Variants in FOLH1 observed in about 807,000 individuals in gnomAD.
The protein encoded by FOLH1 is folate hydrolase 1, also known as glutamate carboxypeptidase 2.
Under a neutral mutation model 93.9 loss-of-function variants are expected in FOLH1, and 54 were observed. The ratio of observed to expected loss-of-function variants is 0.57; its 90% confidence interval spans 0.46 to 0.72. The LOEUF is 0.72. Ranked by LOEUF, FOLH1 falls within the 30% of genes least tolerant of loss-of-function variation. The pLI is 0.00. For synonymous variants in FOLH1, 249 were observed against 303.6 expected (o/e 0.82, Z 1.87); for missense variants, 571 against 892.5 (o/e 0.64, Z 4.59).
Position 49,208,492 on chromosome 11 carries a change from TAA to T in FOLH1, c.-85_-84del. On this transcript the variant is annotated 5_prime_UTR_variant, in exon 1 of 19. Coordinates refer to ENST00000256999, the MANE Select transcript of FOLH1 (RefSeq NM_004476.3). ...GCGCCCTCCAACCACCACGGCGGGG[TAA>T]AGTCTCTCTCAATCTCACTAATGCC... 1 of 945,600 alleles carries T rather than the reference TAA, an allele frequency of 1.1e-6. No individual in the cohort carries two copies. Among genetic ancestry groups the T allele is most frequent in the Non-Finnish European group, 1.6e-6 (1 of 627,558 alleles). 58.6% of individuals were successfully genotyped at this position (945,600 alleles called of 1,614,324 possible). A position where few individuals can be genotyped will look rare whatever the true frequency, so the allele number is the denominator to read the frequency against.
chr11:49,191,936 T>C (rs1270419711), intron 4 of FOLH1, among the ~76,000 whole-genome samples: 1 of 152,108 alleles, frequency 6.6e-6, no homozygotes, highest in Admixed American at 6.5e-5. Context: ...CTGACCTCAG[T>C]TGATCTGCCT....
rs1351262302 is a variant in FOLH1 at position 49,200,280 on chromosome 11, G to A, written c.386C>T (p.Ser129Leu). 3 of 1,582,816 alleles carry A rather than the reference G, an allele frequency of 1.9e-6. No homozygotes were observed. Among genetic ancestry groups the A allele is most frequent in the Admixed American group, 1.8e-5 (1 of 55,624 alleles). ...YPNKTHPNYI[S>L]IINEDGNEIF... is the part of the protein sequence containing the mutation. ...CTCATTTCCATCTTCATTAATTATTGAGATGTAGTTGGGATGAGTCTTATT... is the reference window on the plus strand; with the variant it reads ...CTCATTTCCATCTTCATTAATTATTAAGATGTAGTTGGGATGAGTCTTATT... The change falls in exon 3 of 19, where the codon TCA becomes TTA. Residue 129 changes from serine to leucine, a missense_variant. Physicochemically the swap from Ser to Leu is moderately radical, Grantham distance 145 (BLOSUM62 -2). Transcript: ENST00000256999.
At position 49,148,644 on chromosome 11, in the gene FOLH1, A is replaced by G. The variant is rs1158499409; in HGVS notation, c.2058T>C (p.Phe686=). 8 of 1,588,578 alleles carry G rather than the reference A, an allele frequency of 5.0e-6. No homozygotes were observed. In the Admixed American group the frequency reaches 1.3e-4, roughly 26 times the overall value. The part of the protein sequence containing the change: ...IDPLGLPDRP[F]YRHVIYAPSS... ...GTCATATTTTCTTTTCTTACCTATA[A>G]AAAGGCCTGTCTGGTAACCCTAATG... The change falls in exon 18 of 19, where the codon TTT becomes TTC. Residue 686 remains phenylalanine, a synonymous_variant. Coordinates refer to ENST00000256999, the MANE Select transcript of FOLH1 (RefSeq NM_004476.3).
intron 6 of FOLH1, among the ~76,000 whole-genome samples, chr11:49,185,027 T>C (rs1373453807): frequency 6.6e-6 from 1 of 152,190 alleles, no homozygotes; most frequent in African/African-American, 2.4e-5. Context: ...TTTAGGGTTG[T>C]TAATGCAAGT....
intron 3 of FOLH1, among the ~76,000 whole-genome samples, chr11:49,194,757 C>G (rs1590664641): frequency 6.6e-6 from 1 of 151,708 alleles, no homozygotes; most frequent in Non-Finnish European, 1.5e-5. Context: ...AAATACCAAA[C>G]AAATATTAAT....
chr11:49,161,430 T>C (rs1857690497), intron 13 of FOLH1, among the ~76,000 whole-genome samples: 1 of 152,214 alleles, frequency 6.6e-6, no homozygotes, highest in African/African-American at 2.4e-5. Context: ...GTCTGTTTTG[T>C]CAGAAACTAG....
intron 12 of FOLH1, among the ~76,000 whole-genome samples, chr11:49,165,253 T>A (rs1407909734): frequency 6.6e-6 from 1 of 152,188 alleles, no homozygotes; most frequent in African/African-American, 2.4e-5. Flanking sequence ...TAAGTACTTG[T>A]CTTTTTATTA....
intron 2 of FOLH1, among the ~76,000 whole-genome samples, chr11:49,205,666 A>G (rs1176588224): frequency 1.3e-5 from 2 of 152,240 alleles, no homozygotes; most frequent in Admixed American, 6.5e-5. Context: ...TGGTTTTTAT[A>G]TTTTAAATTG....
At chr11:49,190,610 C>T (rs896096669) in intron 4 of FOLH1, among the ~76,000 whole-genome samples, 3 of 152,196 alleles carry the variant, frequency 2.0e-5, no homozygotes, top group African/African-American at 7.2e-5. Flanking sequence ...TCTCAGGCTC[C>T]ACCCCATTAA....
intron 13 of FOLH1, among the ~76,000 whole-genome samples, chr11:49,163,091 G>A (rs1422328073): frequency 3.3e-5 from 5 of 152,108 alleles, no homozygotes; most frequent in East Asian, 3.9e-4. Flanking sequence ...GCCTGGCCAC[G>A]TTTTTGTAGA....
chr11:49,156,315 A>G (rs1449004247), intron 15 of FOLH1, among the ~76,000 whole-genome samples: 1 of 152,122 alleles, frequency 6.6e-6, no homozygotes, highest in Non-Finnish European at 1.5e-5. Context: ...ACAGTAAGAG[A>G]TGGAAATCCA....
intron 4 of FOLH1, among the ~76,000 whole-genome samples, chr11:49,187,490 C>A (rs908548817): frequency 6.6e-6 from 1 of 152,082 alleles, no homozygotes; most frequent in African/African-American, 2.4e-5. Context: ...AAATTGTATA[C>A]AACTTTTATA....
chr11:49,158,995 T>C (rs562556094), intron 13 of FOLH1, among the ~76,000 whole-genome samples: 1 of 152,312 alleles, frequency 6.6e-6, no homozygotes, highest in East Asian at 1.9e-4. Flanking sequence ...ATCCTGAGAC[T>C]GCTATAGTTG....
chr11:49,196,090 G>T (rs999660370), intron 3 of FOLH1, among the ~76,000 whole-genome samples: 3 of 152,114 alleles, frequency 2.0e-5, no homozygotes, highest in African/African-American at 7.2e-5. Flanking sequence ...GGAGGCGGAG[G>T]TTGCAGTGAG....
chr11:49,201,712 A>G (rs1015758525), intron 2 of FOLH1, among the ~76,000 whole-genome samples: 1 of 152,186 alleles, frequency 6.6e-6, no homozygotes, highest in Non-Finnish European at 1.5e-5. Context: ...AAACAGAAAA[A>G]CAGCCAACAT....
rs535731588 is a variant in FOLH1, at chr11:49,149,676, TA to T, written c.1971-946del. On this transcript the variant is annotated intron_variant, in intron 17 of 18. Coordinates refer to ENST00000256999, the MANE Select transcript of FOLH1 (RefSeq NM_004476.3). Reference sequence around the variant, plus strand: ...TTGTAGAGTGAGCATCATTCTGTGATAAAAGTTCTAATATATCAAAGCTAAA... The same window carrying T: ...TTGTAGAGTGAGCATCATTCTGTGATAAAGTTCTAATATATCAAAGCTAAA... Among the ~76,000 whole-genome samples the T allele has an allele frequency of 3.4e-3, 520 of 152,306 alleles. 1 individual carries two copies. Among genetic ancestry groups the T allele is most frequent in the Non-Finnish European group, 5.0e-3 (341 of 68,024 alleles).
At chr11:49,202,664 A>G (rs576633981) in intron 2 of FOLH1, among the ~76,000 whole-genome samples, 1 of 152,380 alleles carries the variant, frequency 6.6e-6, no homozygotes, top group South Asian at 2.1e-4. Flanking sequence ...TCAGTCCTTT[A>G]AAAGAGCTAC....
chr11:49,146,007 A>C lies in FOLH1; in HGVS notation c.*749T>G, dbSNP rs933303389. On this transcript the variant is annotated 3_prime_UTR_variant, in exon 19 of 19. Transcript: ENST00000256999. The stretch of plus-strand genomic sequence containing the variant: ...GTCTTTACAAAAAGTTCAAAAATAC[A>C]TAATGCCAAAACATGTAAAGGATAC... Among the ~76,000 whole-genome samples, 3 of 152,228 alleles carry C rather than the reference A, an allele frequency of 2.0e-5. No individual in the cohort carries two copies. The highest frequency in any genetic ancestry group is 7.2e-5 in the African/African-American group (3 of 41,470).
intron 18 of FOLH1, among the ~76,000 whole-genome samples, chr11:49,147,630 A>G (rs1320450927): frequency 6.6e-6 from 1 of 152,146 alleles, no homozygotes; most frequent in Non-Finnish European, 1.5e-5. Flanking sequence ...TCCATAGTAA[A>G]GATGTAAATA....
Sources: gnomAD v4.1 joint callset for allele counts (sites outside exome capture counted in the v4.1 genomes callset) on GRCh38, gnomAD v4.1.1 for gene constraint, MANE v1.5 for transcripts, NCBI Gene and HGNC (gene_info 2026-07-23, HGNC 2026-07-21) for gene names.